Variants in SRSF12 observed in about 807,000 individuals in gnomAD.
SRSF12 encodes serine and arginine rich splicing factor 12, also known as serine/arginine-rich splicing factor 12.
A neutral mutation model predicts 34.1 loss-of-function variants in SRSF12; 21 were observed. The ratio of observed to expected loss-of-function variants is 0.62; its 90% confidence interval spans 0.44 to 0.89. The LOEUF (loss-of-function observed/expected upper bound fraction) is 0.89, where lower values mean the gene tolerates loss of function less well. Among genes scored for constraint, SRSF12 ranks in the 40% least tolerant of loss-of-function variants. The pLI, the probability that SRSF12 is intolerant of heterozygous loss-of-function variation, is 0.00. For synonymous variants in SRSF12, 111 were observed against 110.8 expected (o/e 1.00, Z -0.01); for missense variants, 278 against 327.8 (o/e 0.85, Z 1.17).
chr6:89,100,838 T>C (rs1475275075), intron 4 of SRSF12, among the ~76,000 whole-genome samples: 1 of 152,214 alleles, frequency 6.6e-6, no homozygotes, highest in Non-Finnish European at 1.5e-5. Flanking sequence ...CTGGGTGCAG[T>C]GGCTCATGCC....
At chr6:89,099,445 T>TATATGTGTGTATATATACAC (rs1768422167) in intron 4 of SRSF12, among the ~76,000 whole-genome samples, 1 of 91,332 alleles carries the variant, frequency 1.1e-5, no homozygotes, top group Non-Finnish European at 2.3e-5. Flanking sequence ...TATATACACA[T>TATATGTGTGTATATATACAC]ATATATGTGT....
At chr6:89,101,758 C>A (rs1298717919) in intron 4 of SRSF12, among the ~76,000 whole-genome samples, 2 of 151,984 alleles carry the variant, frequency 1.3e-5, no homozygotes, top group African/African-American at 4.8e-5. Flanking sequence ...AGACAAATTT[C>A]TTTCAAAGGA....
At chr6:89,112,100 C>T (rs1254613907) in intron 1 of SRSF12, among the ~76,000 whole-genome samples, 1 of 151,428 alleles carries the variant, frequency 6.6e-6, no homozygotes, top group Non-Finnish European at 1.5e-5. Context: ...CTCCTCCTCC[C>T]CGGTTCAAGA....
intron 1 of SRSF12, among the ~76,000 whole-genome samples, chr6:89,110,674 C>T (rs1769004991): frequency 6.6e-6 from 1 of 152,148 alleles, no homozygotes; most frequent in Admixed American, 6.5e-5. Context: ...GTGAATCGGC[C>T]TTAGGTTCCC....
intron 2 of SRSF12, 132 bp downstream of exon 2, chr6:89,107,022 G>A (rs758309959): frequency 2.1e-5 from 20 of 961,632 alleles, no homozygotes; most frequent in Middle Eastern, 2.1e-4. Flanking sequence ...GACTGCTTTA[G>A]ATCTTCTGAG....
At chr6:89,114,902 T>C (rs1769222123) in intron 1 of SRSF12, among the ~76,000 whole-genome samples, 1 of 150,578 alleles carries the variant, frequency 6.6e-6, no homozygotes, top group African/African-American at 2.4e-5. Context: ...GTTCAAGCGA[T>C]TCTCCTGTCT....
intron 4 of SRSF12, 59 bp downstream of exon 4, chr6:89,105,060 A>G: frequency 6.7e-7 from 1 of 1,490,118 alleles, no homozygotes; most frequent in South Asian, 1.3e-5. Flanking sequence ...TATCAAAAAA[A>G]TATATATCTA....
At chr6:89,102,932 T>A (rs1459656011) in intron 4 of SRSF12, among the ~76,000 whole-genome samples, 1 of 152,074 alleles carries the variant, frequency 6.6e-6, no homozygotes, top group East Asian at 1.9e-4. Context: ...GTGGCTAATT[T>A]TTTTTAGTTT....
Position 89,096,262 on chromosome 6 carries a change from C to G in SRSF12, c.*2316G>C, listed in dbSNP as rs1389791092. 1 of 152,182 alleles carries G rather than the reference C, an allele frequency of 6.6e-6. No individual in the cohort carries two copies. 9.4% of individuals were successfully genotyped at this position (152,182 alleles called of 1,614,324 possible). ...AGCAGTCAGGAAGAGGACTCTGAAG[C>G]CCAGTCACTCCACAGATCCAAAGTT... On this transcript the variant is annotated 3_prime_UTR_variant, in exon 5 of 5. Transcript: ENST00000452027.
intron 1 of SRSF12, among the ~76,000 whole-genome samples, chr6:89,111,527 T>C (rs899708815): frequency 6.6e-6 from 1 of 152,194 alleles, no homozygotes; most frequent in African/African-American, 2.4e-5. Flanking sequence ...ACTAAACTTA[T>C]TAGTTCTAGC....
chr6:89,099,538 G>GT (rs201450623), intron 4 of SRSF12, among the ~76,000 whole-genome samples: 83,874 of 126,102 alleles, frequency 0.67, 28,308 homozygotes, highest in East Asian at 0.79. Flanking sequence ...ACACATACAT[G>GT]TTTTTTTTTT....
chr6:89,105,832 C>CA (rs1301367302), intron 2 of SRSF12: 24 of 166,922 alleles, frequency 1.4e-4, no homozygotes, highest in Middle Eastern at 2.8e-3. Flanking sequence ...ACAAGAAAAA[C>CA]AAAAAAAAAG....
At chr6:89,102,992 C>G (rs2127991414) in intron 4 of SRSF12, among the ~76,000 whole-genome samples, 1 of 152,186 alleles carries the variant, frequency 6.6e-6, no homozygotes, top group Non-Finnish European at 1.5e-5. Context: ...CTCTCAAATT[C>G]CTGGACTCAA....
chr6:89,098,809 T>G lies in SRSF12; in HGVS notation c.555A>C (p.Leu185Phe). Reference sequence around the variant, plus strand: ...TTCCTATTGACTTGGACCTCTTTTGTAAGGACTTGGACCTTGACCGTCCTC... The same window carrying G: ...TTCCTATTGACTTGGACCTCTTTTGGAAGGACTTGGACCTTGACCGTCCTC... ...GSRGRSRSKS[L>F]QKRSKSIGKS... The change falls in exon 5 of 5, where the codon TTA becomes TTC. Residue 185 changes from leucine to phenylalanine, a missense_variant. Leu to Phe is a conservative substitution (Grantham distance 22). Coordinates refer to ENST00000452027, the MANE Select transcript of SRSF12 (RefSeq NM_080743.5). 6.2e-7 allele frequency: 1 copy of G among 1,613,990 alleles called. No individual in the cohort carries two copies. Among genetic ancestry groups the G allele is most frequent in the Non-Finnish European group, 8.5e-7 (1 of 1,179,892 alleles).
At position 89,105,236 on chromosome 6, in the gene SRSF12, T is replaced by G. The variant is rs994648792; in HGVS notation, c.299A>C (p.Glu100Ala). ...RKTPGQMKSK[E>A]RHPCSPSDHR... ...ATCACTTGGAGAACAAGGATGACGT[T>G]CTTTTGATTTCATTTGGCCTGGTGC... Residue 100 changes from glutamate (E) to alanine (A), a missense_variant, in exon 4 of 5, where the codon GAA becomes GCA. Glu to Ala is a moderately radical substitution (Grantham distance 107). Transcript: ENST00000452027. The G allele has an allele frequency of 6.2e-6, 10 of 1,611,132 alleles. No homozygotes were observed. The highest frequency in any genetic ancestry group is 8.5e-6 in the Non-Finnish European group (10 of 1,177,792).
chr6:89,101,606 G>C (rs1481866786), intron 4 of SRSF12, among the ~76,000 whole-genome samples: 1 of 151,892 alleles, frequency 6.6e-6, no homozygotes, highest in East Asian at 1.9e-4. Flanking sequence ...GCTGAGGCAG[G>C]AGAATCGCTT....
At chr6:89,116,623 A>G (rs933290562) in intron 1 of SRSF12, among the ~76,000 whole-genome samples, 1 of 152,016 alleles carries the variant, frequency 6.6e-6, no homozygotes, top group African/African-American at 2.4e-5. Flanking sequence ...AAAAATATAA[A>G]AATTAGCCGG....
intron 1 of SRSF12, among the ~76,000 whole-genome samples, chr6:89,113,962 G>T (rs1769175717): frequency 6.6e-6 from 1 of 152,106 alleles, no homozygotes; most frequent in African/African-American, 2.4e-5. Flanking sequence ...AATTTTAAAA[G>T]TGTCTACATG....
intron 4 of SRSF12, among the ~76,000 whole-genome samples, chr6:89,102,694 T>G (rs1290767946): frequency 6.6e-6 from 1 of 152,174 alleles, no homozygotes; most frequent in African/African-American, 2.4e-5. Context: ...ACATACACAT[T>G]CCTTGATATA....
Sources: gnomAD v4.1 joint callset for allele counts (sites outside exome capture counted in the v4.1 genomes callset) on GRCh38, gnomAD v4.1.1 for gene constraint, MANE v1.5 for transcripts, NCBI Gene and HGNC (gene_info 2026-07-23, HGNC 2026-07-21) for gene names.